Variants in NOTCH2 observed in about 807,000 individuals in gnomAD.
The protein encoded by NOTCH2 is notch receptor 2.
A neutral mutation model predicts 235.8 loss-of-function variants in NOTCH2; 29 were observed. The observed-to-expected ratio is 0.12, with a 90% CI of 0.09 to 0.17. NOTCH2 has a LOEUF of 0.17. Among genes scored for constraint, NOTCH2 ranks in the 10% least tolerant of loss-of-function variants. The pLI is 1.00. For missense variants in NOTCH2, 2,285 were observed against 3,150.2 expected (o/e 0.73, Z 6.57); for synonymous variants, 1,086 against 1,141.5 (o/e 0.95, Z 0.98).
rs746077608 is a variant in NOTCH2 at position 119,915,891 on chromosome 1, G to A, written c.6831C>T (p.Gly2277=). Residue 2277 remains glycine, a synonymous_variant, in exon 34 of 34, where the codon GGC becomes GGT. Coordinates refer to ENST00000256646, the MANE Select transcript of NOTCH2 (RefSeq NM_024408.4). ...MFGMVLAPAE[G]THPGIAPQSR... ...TCTGGGGAGCTATGCCAGGATGGGTGCCCTCAGCTGGAGCCAGGACCATAC... is the reference window on the plus strand; with the variant it reads ...TCTGGGGAGCTATGCCAGGATGGGTACCCTCAGCTGGAGCCAGGACCATAC... The A allele has an allele frequency of 2.5e-6, 4 of 1,614,190 alleles. No individual in the cohort carries two copies. Among genetic ancestry groups the A allele is most frequent in the Non-Finnish European group, 3.4e-6 (4 of 1,180,028 alleles).
At chr1:119,950,307 A>C in intron 15 of NOTCH2, 2 of 360,586 alleles carry the variant, frequency 5.5e-6, no homozygotes, top group South Asian at 4.3e-5. Context: ...ACATTGTAGA[A>C]TTATTGAGGA....
At chr1:119,964,914 G>C (rs1651077542) in intron 10 of NOTCH2, among the ~76,000 whole-genome samples, 1 of 152,228 alleles carries the variant, frequency 6.6e-6, no homozygotes. Context: ...GATCGTTTTT[G>C]ACTCTAGTTG....
At chr1:119,947,312 TC>T (rs1396487974) in intron 17 of NOTCH2, among the ~76,000 whole-genome samples, 1 of 152,194 alleles carries the variant, frequency 6.6e-6, no homozygotes, top group Non-Finnish European at 1.5e-5. Context: ...AAGAACTCTT[TC>T]AACTCAAGAA....
intron 23 of NOTCH2, 69 bp downstream of exon 23, chr1:119,928,907 C>T: frequency 7.5e-7 from 1 of 1,332,512 alleles, no homozygotes; most frequent in Non-Finnish European, 1.1e-6. Flanking sequence ...GGACAACTCA[C>T]AGGGCCCAAT....
At chr1:119,917,204 A>C (rs988955874) in intron 33 of NOTCH2, among the ~76,000 whole-genome samples, 1 of 152,112 alleles carries the variant, frequency 6.6e-6, no homozygotes, top group African/African-American at 2.4e-5. Flanking sequence ...AGAAAGGACT[A>C]AGATAAGGAA....
chr1:119,933,107 CA>C (rs1553195366), intron 22 of NOTCH2, among the ~76,000 whole-genome samples: 103 of 152,228 alleles, frequency 6.8e-4, no homozygotes, highest in Non-Finnish European at 1.2e-3. Flanking sequence ...GTAAAATGAG[CA>C]TAAATGCATA....
Position 119,925,761 on chromosome 1 carries a change from C to T in NOTCH2, c.4055G>A (p.Arg1352Lys). The change falls in exon 25 of 34, where the codon AGG becomes AAG. Residue 1352 changes from arginine to lysine, a missense_variant. Coordinates refer to ENST00000256646, the MANE Select transcript of NOTCH2 (RefSeq NM_024408.4). The part of the protein sequence containing the change: ...CQSSCGQVKC[R>K]KGEQCVHTAS... ...GGTGTGCACACACTGCTCCCCCTTCCTACATTTCACTTGTCCACAGCTGCT... is the reference window on the plus strand; with the variant it reads ...GGTGTGCACACACTGCTCCCCCTTCTTACATTTCACTTGTCCACAGCTGCT... 6.2e-7 allele frequency: 1 copy of T among 1,614,146 alleles called. No homozygotes were observed. Among genetic ancestry groups the T allele is most frequent in the Non-Finnish European group, 8.5e-7 (1 of 1,180,016 alleles).
At chr1:120,043,766 A>T (rs1427067762) in intron 1 of NOTCH2, among the ~76,000 whole-genome samples, 1 of 147,936 alleles carries the variant, frequency 6.8e-6, no homozygotes, top group Non-Finnish European at 1.5e-5. Context: ...ACACCCATTG[A>T]CTAGCATCAC....
chr1:119,924,771 T>C (rs981318480), intron 25 of NOTCH2, among the ~76,000 whole-genome samples: 1 of 152,246 alleles, frequency 6.6e-6, no homozygotes, highest in African/African-American at 2.4e-5. Context: ...GTAATACCTA[T>C]GCCTCGTGAG....
rs1570799572 is a variant in NOTCH2, at chr1:120,064,430, C to T, written c.73+4904G>A. ...GGGTGGGGTCAGCTTTCAACTGATC[C>T]TATCTCTTCAAAGGAAAAAAGAACA... On this transcript the variant is annotated intron_variant, in intron 1 of 33. Transcript: ENST00000256646. Among the ~76,000 whole-genome samples, 4 of 151,044 alleles carry T rather than the reference C, an allele frequency of 2.6e-5. No homozygotes were observed. In the East Asian group the frequency reaches 5.8e-4, roughly 22 times the overall value.
intron 11 of NOTCH2, among the ~76,000 whole-genome samples, chr1:119,960,337 A>C (rs1650887780): frequency 6.6e-6 from 1 of 151,916 alleles, no homozygotes; most frequent in East Asian, 1.9e-4. Context: ...GAGTCTAGTA[A>C]CTTCCTCCTG....
chr1:120,060,569 C>G (rs1655279868), intron 1 of NOTCH2, among the ~76,000 whole-genome samples: 1 of 150,858 alleles, frequency 6.6e-6, no homozygotes, highest in African/African-American at 2.4e-5. Context: ...TTTATTTATG[C>G]TTTTCTAGAT....
intron 13 of NOTCH2, among the ~76,000 whole-genome samples, 189 bp downstream of exon 13, chr1:119,954,851 C>T (rs149151295): frequency 6.6e-6 from 1 of 152,310 alleles, no homozygotes; most frequent in African/African-American, 2.4e-5. Flanking sequence ...TAGGTCCTCA[C>T]TTATGGAAGG....
intron 23 of NOTCH2, 71 bp downstream of exon 23, chr1:119,928,905 C>T: frequency 2.3e-6 from 3 of 1,317,520 alleles, no homozygotes; most frequent in Non-Finnish European, 2.2e-6. Context: ...TGGGACAACT[C>T]ACAGGGCCCA....
At position 119,925,387 on chromosome 1, in the gene NOTCH2, T is replaced by C; in HGVS notation, c.4429A>G (p.Asn1477Asp). 1 of 1,614,172 alleles carries C rather than the reference T, an allele frequency of 6.2e-7. No individual in the cohort carries two copies. Among genetic ancestry groups the C allele is most frequent in the Non-Finnish European group, 8.5e-7 (1 of 1,180,036 alleles). The change falls in exon 25 of 34, where the codon AAC becomes GAC. Residue 1477 changes from asparagine (N) to aspartate (D), a missense_variant. This residue lies in a region of NOTCH2 where 1,173 missense variants were observed against 1,515.3 expected (regional missense o/e 0.77). Transcript: ENST00000256646. ...TTGCACAGCTCATCACACTGGTTGT[T>C]GATATAATCCCAGCAGGGAAGTGGG... is the stretch of plus-strand genomic sequence containing the variant. The part of the protein sequence containing the change: ...SSPLPCWDYI[N>D]NQCDELCNTV...
At chr1:119,950,119 C>G (rs1650416396) in intron 15 of NOTCH2, 1 of 255,126 alleles carries the variant, frequency 3.9e-6, no homozygotes, top group African/African-American at 2.3e-5. Flanking sequence ...GGTGACACCT[C>G]TGAGTGAGAT....
chr1:120,041,743 A>C (rs1654576342), intron 1 of NOTCH2, among the ~76,000 whole-genome samples: 1 of 142,044 alleles, frequency 7.0e-6, no homozygotes, highest in Non-Finnish European at 1.5e-5. Context: ...AATATATTAA[A>C]TTTTAAAATG....
At chr1:119,944,716 A>C (rs1403850602) in intron 17 of NOTCH2, among the ~76,000 whole-genome samples, 2 of 152,174 alleles carry the variant, frequency 1.3e-5, no homozygotes, top group Non-Finnish European at 2.9e-5. Context: ...AAGGAAGAAG[A>C]TAATAGGATA....
At chr1:119,999,917 GAGAAAGAAAGAAAGAAAGAA>G (rs71260137) in intron 3 of NOTCH2, among the ~76,000 whole-genome samples, 76 of 91,136 alleles carry the variant, frequency 8.3e-4, no homozygotes, top group East Asian at 3.0e-3. Flanking sequence ...GAGAAAGAGA[GAGAAAGAAAGAAAGAAAGAA>G]AGAAAGAAAG....
Sources: gnomAD v4.1 joint callset for allele counts (sites outside exome capture counted in the v4.1 genomes callset) on GRCh38, gnomAD v4.1.1 for gene constraint, gnomAD v4.1.1 regional missense constraint, MANE v1.5 for transcripts, NCBI Gene and HGNC (gene_info 2026-07-23, HGNC 2026-07-21) for gene names.